Variants in ATP2B1 observed in about 807,000 individuals in gnomAD.
The protein encoded by ATP2B1 is ATPase plasma membrane Ca2+ transporting 1.
A neutral mutation model predicts 124.2 loss-of-function variants in ATP2B1; 14 were observed. The ratio of observed to expected loss-of-function variants is 0.11; its 90% CI spans 0.07 to 0.18. The LOEUF (loss-of-function observed/expected upper bound fraction) is 0.18. Among genes scored for constraint, ATP2B1 ranks in the 10% least tolerant of loss-of-function variants. ATP2B1 has a pLI of 1.00. For synonymous variants in ATP2B1, 449 were observed against 492.4 expected (o/e 0.91, Z 1.17); for missense variants, 763 against 1,466.1 (o/e 0.52, Z 7.83).
intron 5 of ATP2B1, among the ~76,000 whole-genome samples, chr12:89,633,688 C>G (rs1037900264): frequency 1.5e-4 from 23 of 152,128 alleles, no homozygotes; most frequent in African/African-American, 4.8e-4. Context: ...AGGTTTTGCT[C>G]TAAAGTTGTG....
chr12:89,667,199 C>CT (rs1565892583), intron 1 of ATP2B1, among the ~76,000 whole-genome samples: 2 of 152,148 alleles, frequency 1.3e-5, no homozygotes, highest in Non-Finnish European at 2.9e-5. Flanking sequence ...GAGCCATCTT[C>CT]TATTAATGCT....
At chr12:89,616,033 A>T (rs2136043652) in intron 12 of ATP2B1, among the ~76,000 whole-genome samples, 1 of 152,002 alleles carries the variant, frequency 6.6e-6, no homozygotes, top group East Asian at 1.9e-4. Flanking sequence ...TAGGTTGGGA[A>T]CTCGTGTTCT....
intron 1 of ATP2B1, among the ~76,000 whole-genome samples, chr12:89,691,788 C>T (rs774029814): frequency 3.3e-5 from 5 of 152,094 alleles, no homozygotes; most frequent in Non-Finnish European, 7.4e-5. Context: ...AAAGTCCACC[C>T]CTTTTTCCAT....
chr12:89,639,940 G>C (rs1279451257), intron 3 of ATP2B1, among the ~76,000 whole-genome samples: 1 of 152,106 alleles, frequency 6.6e-6, no homozygotes, highest in Admixed American at 6.5e-5. Context: ...CTCAATTCTA[G>C]AAAACCAATA....
intron 2 of ATP2B1, among the ~76,000 whole-genome samples, chr12:89,649,777 G>A (rs184453797): frequency 2.1e-4 from 32 of 152,312 alleles, no homozygotes; most frequent in Admixed American, 8.5e-4. Context: ...CCAAATGTTG[G>A]AGGTGGGGTC....
intron 1 of ATP2B1, among the ~76,000 whole-genome samples, chr12:89,703,205 T>C (rs79767772): frequency 0.045 from 6,917 of 152,224 alleles, 230 homozygotes; most frequent in Non-Finnish European, 0.069. Context: ...AACAACTGCA[T>C]TTCAAAACTG....
At position 89,601,841 on chromosome 12, in the gene ATP2B1, T is replaced by C. The variant is rs574220343; in HGVS notation, c.3061-408A>G. 1.3e-3 allele frequency among the ~76,000 whole-genome samples: 195 copies of C among 151,802 alleles called. 1 individual carries two copies. Among genetic ancestry groups the C allele is most frequent in the Non-Finnish European group, 2.3e-3 (159 of 68,022 alleles). ...AATCTGTGCCTTTCTCAAAATATAGTACTCTTTTGTAGAAAAGACTGTATG... is the reference window on the plus strand; with the variant it reads ...AATCTGTGCCTTTCTCAAAATATAGCACTCTTTTGTAGAAAAGACTGTATG... On this transcript the variant is annotated intron_variant, in intron 18 of 20. Transcript: ENST00000428670.
chr12:89,620,681 T>C (rs553484611), intron 10 of ATP2B1, among the ~76,000 whole-genome samples: 2 of 152,316 alleles, frequency 1.3e-5, no homozygotes, highest in South Asian at 2.1e-4. Flanking sequence ...AGTACATTCA[T>C]TAAAATACTG....
chr12:89,702,434 A>C (rs1025367210), intron 1 of ATP2B1, among the ~76,000 whole-genome samples: 1 of 152,246 alleles, frequency 6.6e-6, no homozygotes, highest in Non-Finnish European at 1.5e-5. Flanking sequence ...AGGTAGATTA[A>C]AGCAGCAGAT....
At chr12:89,696,393 A>G (rs1891135971) in intron 1 of ATP2B1, among the ~76,000 whole-genome samples, 2 of 152,238 alleles carry the variant, frequency 1.3e-5, no homozygotes, top group Non-Finnish European at 2.9e-5. Flanking sequence ...TCACTGGAAG[A>G]TTATTTAACA....
chr12:89,686,266 T>C (rs1219988303), intron 1 of ATP2B1, among the ~76,000 whole-genome samples: 2 of 152,128 alleles, frequency 1.3e-5, no homozygotes, highest in Non-Finnish European at 2.9e-5. Context: ...TATATCCAGC[T>C]TAAGCTGTTA....
chr12:89,685,231 T>C (rs1889823625), intron 1 of ATP2B1, among the ~76,000 whole-genome samples: 2 of 152,166 alleles, frequency 1.3e-5, no homozygotes, highest in South Asian at 2.1e-4. Context: ...GAGTCATTTT[T>C]CCTCTTGTAA....
chr12:89,663,699 C>A (rs1886970407), intron 1 of ATP2B1, among the ~76,000 whole-genome samples: 1 of 152,298 alleles, frequency 6.6e-6, no homozygotes, highest in Non-Finnish European at 1.5e-5. Context: ...TGAAACTACT[C>A]TTCCAGGTGA....
At chr12:89,596,404 C>T (rs1874620730) in intron 20 of ATP2B1, among the ~76,000 whole-genome samples, 2 of 151,962 alleles carry the variant, frequency 1.3e-5, no homozygotes, top group Non-Finnish European at 2.9e-5. Context: ...GGAGACTAGA[C>T]TCATAACACA....
At chr12:89,636,238 G>C (rs1444688982) in intron 3 of ATP2B1, among the ~76,000 whole-genome samples, 1 of 151,992 alleles carries the variant, frequency 6.6e-6, no homozygotes, top group African/African-American at 2.4e-5. Context: ...GGAGGGGGGA[G>C]AGAATGAGCC....
chr12:89,635,402 A>T (rs1882542220), intron 3 of ATP2B1, 151 bp from the exon 4 acceptor site: 5 of 1,020,236 alleles, frequency 4.9e-6, no homozygotes, highest in Non-Finnish European at 6.9e-6. Context: ...GTATTCCATA[A>T]GAACTCTATG....
At chr12:89,691,118 C>A (rs1448138480) in intron 1 of ATP2B1, among the ~76,000 whole-genome samples, 1 of 151,986 alleles carries the variant, frequency 6.6e-6, no homozygotes, top group Non-Finnish European at 1.5e-5. Flanking sequence ...CAGCTGGGCC[C>A]ACATGCCTTT....
At chr12:89,640,204 C>T (rs1365979079) in intron 3 of ATP2B1, among the ~76,000 whole-genome samples, 1 of 152,184 alleles carries the variant, frequency 6.6e-6, no homozygotes, top group Non-Finnish European at 1.5e-5. Flanking sequence ...TTCCTTTGGA[C>T]TGTCTTCCCC....
chr12:89,696,853 C>G (rs1047494317), intron 1 of ATP2B1, among the ~76,000 whole-genome samples: 3 of 152,082 alleles, frequency 2.0e-5, no homozygotes, highest in African/African-American at 7.2e-5. Context: ...TTGCTTTGAA[C>G]AGTACCAGCA....
Sources: allele counts gnomAD v4.1 joint callset (sites outside exome capture counted in the v4.1 genomes callset), GRCh38; gene constraint gnomAD v4.1.1; transcripts MANE v1.5; gene names NCBI Gene and HGNC (gene_info 2026-07-23, HGNC 2026-07-21).